Variants in PPP1R9A observed in about 807,000 individuals in gnomAD.
The protein encoded by PPP1R9A is neurabin-1.
A neutral mutation model predicts 141.9 loss-of-function variants in PPP1R9A; 59 were observed. That is an observed-to-expected ratio of 0.42 (90% CI 0.34 to 0.52). The LOEUF is 0.52. PPP1R9A is among the 20% of genes least tolerant of loss of function. PPP1R9A has a pLI of 0.10. For missense variants in PPP1R9A, 1,444 were observed against 1,611.9 expected, an observed-to-expected ratio of 0.90 and a Z score of 1.78; for synonymous variants, 500 against 569.7, an observed-to-expected ratio of 0.88 and a Z score of 1.74.
chr7:95,209,031 A>G (rs1195886698), intron 7 of PPP1R9A, among the ~76,000 whole-genome samples: 1 of 151,264 alleles, frequency 6.6e-6, no homozygotes, highest in Non-Finnish European at 1.5e-5. Context: ...CTGAAATGGA[A>G]TCAAGGAGGC....
chr7:95,021,818 C>T lies in PPP1R9A; in HGVS notation c.1396-89441C>T, dbSNP rs183653680. On this transcript the variant is annotated intron_variant, in intron 2 of 19. Transcript: ENST00000433360. ...TATTTCCAAGGGCTCTGTTCTGTTC[C>T]GTTGGTCTATATCTCTGTTTTTGTA... 2.0e-4 allele frequency among the ~76,000 whole-genome samples: 30 copies of T among 152,144 alleles called. No homozygotes were observed. The Middle Eastern group carries it at 0.01, about 52-fold the overall frequency.
intron 2 of PPP1R9A, among the ~76,000 whole-genome samples, chr7:95,015,899 A>C (rs1805034941): frequency 6.6e-6 from 1 of 152,032 alleles, no homozygotes; most frequent in South Asian, 2.1e-4. Flanking sequence ...AAAAATAAAA[A>C]AAATTAGGGC....
rs1807033612 is a variant in PPP1R9A, at chr7:95,295,853, A to G, written c.*5550A>G. On this transcript the variant is annotated 3_prime_UTR_variant, in exon 20 of 20. Coordinates refer to ENST00000433360, the MANE Select transcript of PPP1R9A (RefSeq NM_001166160.2). The stretch of plus-strand genomic sequence containing the variant: ...GTGCTTAGTGAAATTCCTTAAATAT[A>G]TATGTATATGTTTTCTTCAACATTA... 1 of 152,652 alleles carries G rather than the reference A, an allele frequency of 6.6e-6. No individual in the cohort carries two copies. The highest frequency in any genetic ancestry group is 1.5e-5 in the Non-Finnish European group (1 of 68,042). 9.5% of individuals were successfully genotyped at this position (152,652 alleles called of 1,614,324 possible). A position where few individuals can be genotyped will look rare whatever the true frequency, so the allele number is the denominator to read the frequency against.
chr7:95,216,698 G>C (rs1585301968), intron 7 of PPP1R9A, among the ~76,000 whole-genome samples: 1 of 152,092 alleles, frequency 6.6e-6, no homozygotes, highest in Non-Finnish European at 1.5e-5. Context: ...TGTAAGTTGG[G>C]ATTCCTAGGT....
At chr7:94,938,220 T>TAA (rs1794971155) in intron 2 of PPP1R9A, among the ~76,000 whole-genome samples, 4 of 152,246 alleles carry the variant, frequency 2.6e-5, no homozygotes, top group Middle Eastern at 3.4e-3. Context: ...TGAACCCTAT[T>TAA]GTGAACTCTG....
chr7:94,925,524 A>G (rs559927664), intron 2 of PPP1R9A, among the ~76,000 whole-genome samples: 1 of 152,122 alleles, frequency 6.6e-6, no homozygotes, highest in East Asian at 1.9e-4. Flanking sequence ...TCATTCTTAG[A>G]AAATTTGCTG....
chr7:94,922,189 A>T (rs1362688400), intron 2 of PPP1R9A, among the ~76,000 whole-genome samples: 1 of 151,510 alleles, frequency 6.6e-6, no homozygotes, highest in Non-Finnish European at 1.5e-5. Context: ...GAAAGGGTGA[A>T]TTATATTGTT....
intron 2 of PPP1R9A, among the ~76,000 whole-genome samples, chr7:95,047,086 G>C (rs536309965): frequency 1.3e-5 from 2 of 152,280 alleles, no homozygotes; most frequent in African/African-American, 4.8e-5. Context: ...GAGCTCTCCA[G>C]GTTCTGTGTA....
chr7:94,923,789 T>C (rs1793132512), intron 2 of PPP1R9A, among the ~76,000 whole-genome samples: 1 of 152,186 alleles, frequency 6.6e-6, no homozygotes, highest in African/African-American at 2.4e-5. Flanking sequence ...AAACATATTT[T>C]TGTTGGGTGG....
At chr7:95,002,127 T>G (rs1803020137) in intron 2 of PPP1R9A, among the ~76,000 whole-genome samples, 1 of 152,188 alleles carries the variant, frequency 6.6e-6, no homozygotes. Flanking sequence ...GAGTGAAAAT[T>G]ACCTTTCGTA....
chr7:95,095,700 G>A (rs962006248), intron 2 of PPP1R9A, among the ~76,000 whole-genome samples: 10 of 152,166 alleles, frequency 6.6e-5, no homozygotes, highest in Admixed American at 4.6e-4. Context: ...TGCTTTTTCA[G>A]GGTAACATGA....
At chr7:94,926,372 G>A (rs1793489883) in intron 2 of PPP1R9A, among the ~76,000 whole-genome samples, 1 of 152,166 alleles carries the variant, frequency 6.6e-6, no homozygotes, top group South Asian at 2.1e-4. Flanking sequence ...AACTATGGAA[G>A]CTGAAGGGGA....
chr7:95,007,987 A>C (rs1289563438), intron 2 of PPP1R9A, among the ~76,000 whole-genome samples: 1 of 152,090 alleles, frequency 6.6e-6, no homozygotes, highest in Non-Finnish European at 1.5e-5. Context: ...CATGAGAATT[A>C]CTTGAACCTG....
chr7:95,026,760 T>G (rs1246321412), intron 2 of PPP1R9A, among the ~76,000 whole-genome samples: 1 of 152,080 alleles, frequency 6.6e-6, no homozygotes, highest in East Asian at 1.9e-4. Flanking sequence ...GGTTGCTGCC[T>G]TTTTTTCAGA....
At chr7:94,967,002 G>T (rs1273130647) in intron 2 of PPP1R9A, among the ~76,000 whole-genome samples, 1 of 152,088 alleles carries the variant, frequency 6.6e-6, no homozygotes, top group East Asian at 1.9e-4. Flanking sequence ...ACTGGTTATT[G>T]ATCTATTCAG....
intron 2 of PPP1R9A, among the ~76,000 whole-genome samples, chr7:95,093,276 C>G (rs555592692): frequency 6.6e-6 from 1 of 152,176 alleles, no homozygotes; most frequent in African/African-American, 2.4e-5. Flanking sequence ...CCCTAATTGA[C>G]CCTACATCAC....
chr7:94,926,194 A>G (rs1390614920), intron 2 of PPP1R9A, among the ~76,000 whole-genome samples: 1 of 152,212 alleles, frequency 6.6e-6, no homozygotes, highest in Non-Finnish European at 1.5e-5. Context: ...GCAGTTACAA[A>G]TGAAAGCTGG....
rs530076715 is a variant in PPP1R9A, at chr7:95,151,652, GTT to G, written c.1650-10203_1650-10202del. On this transcript the variant is annotated intron_variant, in intron 4 of 19. Coordinates refer to ENST00000433360, the MANE Select transcript of PPP1R9A (RefSeq NM_001166160.2). Reference sequence around the variant, plus strand: ...GAACAATAATGATGTGTCTTTAAAGGTTTTTTTTTTTTTCTGTAATATGTGAA... The same window carrying G: ...GAACAATAATGATGTGTCTTTAAAGGTTTTTTTTTTTCTGTAATATGTGAA... 8.3e-5 allele frequency among the ~76,000 whole-genome samples: 12 copies of G among 144,882 alleles called. No homozygotes were observed. The Admixed American group carries it at 8.3e-4, about 10-fold the overall frequency.
intron 2 of PPP1R9A, among the ~76,000 whole-genome samples, chr7:94,982,394 T>C (rs1034971751): frequency 4.6e-5 from 7 of 152,288 alleles, no homozygotes; most frequent in African/African-American, 1.4e-4. Flanking sequence ...CTTGAGGAAT[T>C]GCCACACTGT....
Sources: allele counts gnomAD v4.1 joint callset (sites outside exome capture counted in the v4.1 genomes callset), GRCh38; gene constraint gnomAD v4.1.1; transcripts MANE v1.5; gene names NCBI Gene and HGNC (gene_info 2026-07-23, HGNC 2026-07-21).